The following SYT1 variants were observed in gnomAD, a reference collection of about 807,000 sequenced individuals.
SYT1 encodes the protein synaptotagmin-1.
In SYT1, 8 loss-of-function variants were observed where a neutral mutation model predicts 44.8. The observed-to-expected ratio is 0.18, with a 90% CI of 0.10 to 0.32. SYT1 has a LOEUF of 0.32. SYT1 is among the 10% of genes least tolerant of loss of function. The pLI, the probability that SYT1 is intolerant of heterozygous loss-of-function variation, is 1.00. For synonymous variants in SYT1, 154 were observed against 188.8 expected, an observed-to-expected ratio of 0.82 and a Z score of 1.51; for missense variants, 286 against 509.3, an observed-to-expected ratio of 0.56 and a Z score of 4.22.
chr12:78,971,055 T>A (rs549072754), intron 1 of SYT1, among the ~76,000 whole-genome samples: 1 of 152,162 alleles, frequency 6.6e-6, no homozygotes, highest in Non-Finnish European at 1.5e-5. Context: ...TCCTAGCTAC[T>A]CAGGAGGCTG....
intron 2 of SYT1, among the ~76,000 whole-genome samples, chr12:78,990,432 A>G (rs1423621578): frequency 6.6e-6 from 1 of 152,186 alleles, no homozygotes; most frequent in East Asian, 1.9e-4. Context: ...TTGACATTTA[A>G]ACCATGACTA....
chr12:79,329,834 A>T (rs1490123329), intron 8 of SYT1, among the ~76,000 whole-genome samples: 1 of 152,234 alleles, frequency 6.6e-6, no homozygotes, highest in Non-Finnish European at 1.5e-5. Context: ...CTTCAGCCAT[A>T]TGGAAACGGA....
chr12:79,179,183 G>T (rs866190203), intron 3 of SYT1, among the ~76,000 whole-genome samples: 35 of 32,590 alleles, frequency 1.1e-3, no homozygotes, highest in East Asian at 4.7e-3. Flanking sequence ...TAGATATATA[G>T]ATATAGATAT....
intron 1 of SYT1, among the ~76,000 whole-genome samples, chr12:78,866,619 G>A (rs371373870): frequency 6.6e-6 from 1 of 152,126 alleles, no homozygotes; most frequent in Non-Finnish European, 1.5e-5. Context: ...ACAGCTAAGC[G>A]ATAGTACTGT....
At chr12:78,931,933 T>G (rs1877780099) in intron 1 of SYT1, among the ~76,000 whole-genome samples, 1 of 152,188 alleles carries the variant, frequency 6.6e-6, no homozygotes, top group Admixed American at 6.5e-5. Context: ...GAATAGTTAG[T>G]ACAAGAGCCA....
At chr12:79,026,238 G>A (rs1412497844) in intron 2 of SYT1, among the ~76,000 whole-genome samples, 1 of 151,460 alleles carries the variant, frequency 6.6e-6, no homozygotes, top group Non-Finnish European at 1.5e-5. Flanking sequence ...TAACTTGTTG[G>A]GCATAGAAAT....
At chr12:79,155,270 A>C (rs1178824014) in intron 3 of SYT1, among the ~76,000 whole-genome samples, 1 of 152,206 alleles carries the variant, frequency 6.6e-6, no homozygotes, top group African/African-American at 2.4e-5. Context: ...TTGAAGAGCT[A>C]ATCAAATATT....
chr12:79,066,671 TAAATG>T (rs1415218824), intron 3 of SYT1, among the ~76,000 whole-genome samples: 4 of 152,012 alleles, frequency 2.6e-5, no homozygotes, highest in Non-Finnish European at 4.4e-5. Flanking sequence ...TAATTAGAAA[TAAATG>T]AAATAATATT....
chr12:79,252,343 C>A (rs1282544383), intron 4 of SYT1, among the ~76,000 whole-genome samples: 3 of 152,134 alleles, frequency 2.0e-5, no homozygotes, highest in Non-Finnish European at 4.4e-5. Context: ...TCATCATCAT[C>A]ATCACCATAT....
At chr12:79,275,265 C>T (rs1222313979) in intron 4 of SYT1, among the ~76,000 whole-genome samples, 1 of 152,104 alleles carries the variant, frequency 6.6e-6, no homozygotes, top group African/African-American at 2.4e-5. Context: ...GCACAGCAGT[C>T]AAGCAGCCCC....
chr12:79,312,113 C>T (rs1010448084), intron 8 of SYT1, among the ~76,000 whole-genome samples: 1 of 151,822 alleles, frequency 6.6e-6, no homozygotes, highest in African/African-American at 2.4e-5. Flanking sequence ...TTTCATACTG[C>T]AAAAGTAAAA....
At chr12:79,046,367 C>T (rs1303123788) in intron 2 of SYT1, 1 of 152,070 alleles carries the variant, frequency 6.6e-6, no homozygotes, top group East Asian at 1.9e-4. Flanking sequence ...ATTATAAGAC[C>T]TATTTTAAAT....
intron 8 of SYT1, among the ~76,000 whole-genome samples, chr12:79,300,789 T>TCATATATA (rs1555215390): frequency 1.1e-5 from 1 of 89,624 alleles, no homozygotes; most frequent in African/African-American, 4.1e-5. Flanking sequence ...TGTATACTTA[T>TCATATATA]TATATATATA....
intron 3 of SYT1, among the ~76,000 whole-genome samples, chr12:79,186,290 A>G (rs1269477930): frequency 6.6e-6 from 1 of 151,946 alleles, no homozygotes; most frequent in Non-Finnish European, 1.5e-5. Flanking sequence ...TTTTATTTAT[A>G]TTTGTTGCAC....
At chr12:79,337,776 G>A (rs945697472) in intron 8 of SYT1, among the ~76,000 whole-genome samples, 3 of 152,174 alleles carry the variant, frequency 2.0e-5, no homozygotes, top group Admixed American at 6.5e-5. Context: ...CTTTCTAACT[G>A]TGCAGGTCAA....
At chr12:78,866,464 A>G (rs1873549468) in intron 1 of SYT1, among the ~76,000 whole-genome samples, 1 of 152,238 alleles carries the variant, frequency 6.6e-6, no homozygotes, top group Non-Finnish European at 1.5e-5. Context: ...AAAGAAAAAT[A>G]TATCAAAACA....
intron 1 of SYT1, among the ~76,000 whole-genome samples, chr12:78,897,757 T>A (rs1217697334): frequency 6.6e-6 from 1 of 152,098 alleles, no homozygotes; most frequent in Non-Finnish European, 1.5e-5. Flanking sequence ...TAATTTAAAA[T>A]TTGGAGGCAT....
At chr12:78,931,971 C>CATGACTTGACAAGG (rs78986919) in intron 1 of SYT1, among the ~76,000 whole-genome samples, 13,824 of 152,262 alleles carry the variant, frequency 0.091, 725 homozygotes, top group East Asian at 0.18. Flanking sequence ...TAAACTTTGA[C>CATGACTTGACAAGG]ATGACTATCC....
At chr12:79,220,555 A>C (rs1265578805) in intron 4 of SYT1, among the ~76,000 whole-genome samples, 1 of 152,066 alleles carries the variant, frequency 6.6e-6, no homozygotes, top group African/African-American at 2.4e-5. Flanking sequence ...TTATTTCTAT[A>C]AAATTCCCTC....
Sources: allele counts gnomAD v4.1 joint callset (sites outside exome capture counted in the v4.1 genomes callset), GRCh38; gene constraint gnomAD v4.1.1; transcripts MANE v1.5; gene names NCBI Gene and HGNC (gene_info 2026-07-23, HGNC 2026-07-21).